Variants in TMEM132C observed in about 807,000 individuals in gnomAD.
TMEM132C encodes the protein transmembrane protein 132C.
In TMEM132C, 29 loss-of-function variants were observed where a neutral mutation model predicts 61.4. That is an observed-to-expected ratio of 0.47 (90% confidence interval 0.35 to 0.64). The LOEUF is 0.64. Among genes scored for constraint, TMEM132C ranks in the 30% least tolerant of loss-of-function variants. The pLI, the probability that TMEM132C is intolerant of heterozygous loss-of-function variation, is 0.00. For synonymous variants in TMEM132C, 656 were observed against 633.1 expected, an observed-to-expected ratio of 1.04 and a Z score of -0.54; for missense variants, 1,408 against 1,476.9, an observed-to-expected ratio of 0.95 and a Z score of 0.76.
chr12:128,698,377 T>C (rs1230009095), intron 8 of TMEM132C, among the ~76,000 whole-genome samples: 1 of 152,226 alleles, frequency 6.6e-6, no homozygotes, highest in African/African-American at 2.4e-5. Flanking sequence ...CAGGACTTTC[T>C]GCTTCTGATG....
chr12:128,451,651 G>A (rs1003995069), intron 2 of TMEM132C, among the ~76,000 whole-genome samples: 10 of 152,100 alleles, frequency 6.6e-5, no homozygotes, highest in African/African-American at 2.2e-4. Context: ...TGCACTTTCG[G>A]TCTGTACAAA....
chr12:128,470,047 C>T (rs1870895341), intron 2 of TMEM132C, among the ~76,000 whole-genome samples: 1 of 152,202 alleles, frequency 6.6e-6, no homozygotes, highest in East Asian at 1.9e-4. Context: ...GACTTCATGA[C>T]ACCCACTAAT....
At chr12:128,481,838 C>A (rs543317474) in intron 2 of TMEM132C, among the ~76,000 whole-genome samples, 1 of 152,272 alleles carries the variant, frequency 6.6e-6, no homozygotes, top group South Asian at 2.1e-4. Flanking sequence ...CCTGGTGGAG[C>A]CCCTATTTCC....
rs369671730 is a variant in TMEM132C, at chr12:128,629,872, A to AG, written c.1305+13539dup. ...TCCCAGCTACTCGGGAGACTGAGGC[A>AG]GGATAGTCACTTGAACCCGGGAGGC... On this transcript the variant is annotated intron_variant, in intron 4 of 8. Coordinates refer to ENST00000435159, the MANE Select transcript of TMEM132C (RefSeq NM_001136103.3). Among the ~76,000 whole-genome samples the AG allele has an allele frequency of 1.3e-4, 19 of 151,920 alleles. No individual in the cohort carries two copies. In the East Asian group the frequency reaches 3.5e-3, roughly 28 times the overall value.
intron 2 of TMEM132C, among the ~76,000 whole-genome samples, chr12:128,448,063 C>T (rs766707601): frequency 4.0e-4 from 61 of 152,222 alleles, no homozygotes; most frequent in Non-Finnish European, 6.8e-4. Context: ...TCTCCCATTT[C>T]TGAAACAAAT....
Position 128,414,865 on chromosome 12 carries a change from G to A in TMEM132C, c.219G>A (p.Arg73=). 6.4e-7 allele frequency: 1 copy of A among 1,551,096 alleles called. No individual in the cohort carries two copies. Among genetic ancestry groups the A allele is most frequent in the Non-Finnish European group, 8.7e-7 (1 of 1,147,114 alleles). The part of the protein sequence containing the change: ...FLKEANQDLL[R]NSSLQARVES... ...AGGAAGCCAACCAGGACCTGCTGCGGAACTCCAGCCTGCAGGCGAGGGTGG... is the reference window on the plus strand; with the variant it reads ...AGGAAGCCAACCAGGACCTGCTGCGAAACTCCAGCCTGCAGGCGAGGGTGG... Residue 73 remains arginine, a synonymous_variant, in exon 2 of 9, where the codon CGG becomes CGA. Transcript: ENST00000435159.
chr12:128,382,890 A>G (rs899346026), intron 1 of TMEM132C, among the ~76,000 whole-genome samples: 2 of 151,750 alleles, frequency 1.3e-5, no homozygotes, highest in Non-Finnish European at 2.9e-5. Context: ...TGTGTGTACC[A>G]TATATGTATC....
At chr12:128,653,271 G>T (rs568779852) in intron 4 of TMEM132C, among the ~76,000 whole-genome samples, 7 of 151,836 alleles carry the variant, frequency 4.6e-5, no homozygotes, top group Non-Finnish European at 1.0e-4. Flanking sequence ...CTGGGAGGAG[G>T]GGGGGATGGG....
intron 1 of TMEM132C, among the ~76,000 whole-genome samples, chr12:128,365,122 T>C (rs139486688): frequency 5.6e-4 from 85 of 152,262 alleles, no homozygotes; most frequent in African/African-American, 1.9e-3. Context: ...TTGTGAGAAG[T>C]GAGACACGAC....
intron 5 of TMEM132C, among the ~76,000 whole-genome samples, chr12:128,692,659 C>G (rs1424224196): frequency 6.6e-6 from 1 of 152,178 alleles, no homozygotes; most frequent in Non-Finnish European, 1.5e-5. Context: ...TTACCGGTCA[C>G]AGTCCGCCCA....
chr12:128,577,975 T>C (rs913478091), intron 3 of TMEM132C, among the ~76,000 whole-genome samples: 8 of 152,196 alleles, frequency 5.3e-5, no homozygotes, highest in African/African-American at 9.7e-5. Context: ...GTACATACTA[T>C]TATTATTTAG....
At chr12:128,648,446 G>T (rs1288028464) in intron 4 of TMEM132C, among the ~76,000 whole-genome samples, 2 of 145,184 alleles carry the variant, frequency 1.4e-5, no homozygotes, top group Non-Finnish European at 3.0e-5. Context: ...GTCCATCAGC[G>T]TTGGATATGA....
chr12:128,695,345 C>A (rs925876287), intron 6 of TMEM132C, among the ~76,000 whole-genome samples: 1 of 149,952 alleles, frequency 6.7e-6, no homozygotes, highest in African/African-American at 2.4e-5. Context: ...CATAGCAAGA[C>A]CCCATCTCTA....
chr12:128,398,014 C>T (rs1421317474), intron 1 of TMEM132C, among the ~76,000 whole-genome samples: 1 of 152,074 alleles, frequency 6.6e-6, no homozygotes, highest in Non-Finnish European at 1.5e-5. Context: ...ATTTTTTTCC[C>T]CCGATTAACG....
chr12:128,495,616 T>A (rs1458489100), intron 2 of TMEM132C, among the ~76,000 whole-genome samples: 3 of 152,228 alleles, frequency 2.0e-5, no homozygotes, highest in Admixed American at 6.5e-5. Flanking sequence ...TGATCTTTGT[T>A]GGTTTAAAGT....
chr12:128,642,733 C>G (rs766208874), intron 4 of TMEM132C, among the ~76,000 whole-genome samples: 1 of 152,192 alleles, frequency 6.6e-6, no homozygotes, highest in Non-Finnish European at 1.5e-5. Flanking sequence ...AACCTCTTGT[C>G]TTTATAAGTT....
At chr12:128,665,276 C>A (rs563955263) in intron 4 of TMEM132C, among the ~76,000 whole-genome samples, 1 of 133,248 alleles carries the variant, frequency 7.5e-6, no homozygotes, top group South Asian at 2.2e-4. Context: ...CAAACAGGCA[C>A]ACGCACACAC....
chr12:128,316,229 C>T (rs1872148431), intron 1 of TMEM132C, among the ~76,000 whole-genome samples: 1 of 152,122 alleles, frequency 6.6e-6, no homozygotes, highest in Admixed American at 6.6e-5. Flanking sequence ...CTAACAGGAA[C>T]CCCCAGGGAC....
At chr12:128,407,630 G>A (rs1178671850) in intron 1 of TMEM132C, among the ~76,000 whole-genome samples, 11 of 152,160 alleles carry the variant, frequency 7.2e-5, no homozygotes, top group Admixed American at 7.2e-4. Flanking sequence ...CTCTTCTCCA[G>A]GTTGGCCCAG....
Sources: gnomAD v4.1 joint callset for allele counts (sites outside exome capture counted in the v4.1 genomes callset) on GRCh38, gnomAD v4.1.1 for gene constraint, MANE v1.5 for transcripts, NCBI Gene and HGNC (gene_info 2026-07-23, HGNC 2026-07-21) for gene names.